Variants in KIF4A observed in about 807,000 individuals in gnomAD.
KIF4A encodes chromosome-associated kinesin KIF4A.
KIF4A carries 7 observed loss-of-function variants against 105.9 expected under a neutral mutation model. The observed-to-expected ratio is 0.07, with a 90% CI of 0.04 to 0.12. The LOEUF (loss-of-function observed/expected upper bound fraction) is 0.12, where lower values mean the gene tolerates loss of function less well. KIF4A is among the 10% of genes least tolerant of loss of function. KIF4A has a pLI of 1.00. For missense variants in KIF4A, 558 were observed against 929.2 expected, an observed-to-expected ratio of 0.60 and a Z score of 5.19; for synonymous variants, 281 against 331.3, an observed-to-expected ratio of 0.85 and a Z score of 1.65.
intron 3 of KIF4A, among the ~76,000 whole-genome samples, chrX:70,295,262 G>A (rs1286895702): frequency 9.1e-6 from 1 of 110,353 alleles, no homozygotes; most frequent in Non-Finnish European, 1.9e-5. Context: ...TGTAACCTCC[G>A]CCTCCTGGGT....
At position 70,418,017 on chromosome X, in the gene KIF4A, C is replaced by T. The variant is rs745334780; in HGVS notation, c.3372+13C>T. 3.4e-6 allele frequency: 4 copies of T among 1,163,794 alleles called. No homozygotes were observed. The South Asian group carries it at 7.6e-5, about 22-fold the overall frequency. ...CCAGCAAGGCAAGGTAGGATCAGGG[C>T]TGTTTCCTCTCCCCTTCCCTTCAGA... is the stretch of plus-strand genomic sequence containing the variant. On this transcript the variant is annotated intron_variant, in intron 29 of 30. Transcript: ENST00000374403.
At chrX:70,340,299 A>T (rs2085967545) in intron 10 of KIF4A, among the ~76,000 whole-genome samples, 1 of 112,153 alleles carries the variant, frequency 8.9e-6, no homozygotes, top group Non-Finnish European at 1.9e-5. Flanking sequence ...AGAAGAGTTA[A>T]CTATTATTAA....
intron 18 of KIF4A, 21 bp from the exon 19 acceptor site, chrX:70,386,597 A>G (rs1304721304): frequency 3.5e-6 from 4 of 1,150,859 alleles, no homozygotes; most frequent in Middle Eastern, 2.4e-4. Context: ...AGCAATTAAT[A>G]TCTGACTTTT....
intron 30 of KIF4A, 76 bp from the exon 31 acceptor site, chrX:70,419,986 C>A: frequency 9.7e-7 from 1 of 1,030,333 alleles, no homozygotes; most frequent in Non-Finnish European, 1.3e-6. Context: ...GTATGTCGAG[C>A]ATCTATAGCA....
intron 10 of KIF4A, among the ~76,000 whole-genome samples, chrX:70,341,486 CACAA>C (rs2085972105): frequency 9.0e-6 from 1 of 111,357 alleles, no homozygotes; most frequent in Non-Finnish European, 1.9e-5. Flanking sequence ...ACCTACAGGA[CACAA>C]ACAGAAAAGA....
chrX:70,365,066 T>A (rs1341126282), intron 15 of KIF4A, among the ~76,000 whole-genome samples: 15 of 111,846 alleles, frequency 1.3e-4, no homozygotes, highest in Non-Finnish European at 2.4e-4. Context: ...TGTATAAGAA[T>A]GCTTGTGATT....
chrX:70,400,726 T>A (rs2086278048), intron 22 of KIF4A, among the ~76,000 whole-genome samples: 1 of 111,936 alleles, frequency 8.9e-6, no homozygotes, highest in Non-Finnish European at 1.9e-5. Flanking sequence ...CAGAAAATGC[T>A]ACTTTTCAGA....
At chrX:70,388,406 G>A (rs2086225776) in intron 20 of KIF4A, among the ~76,000 whole-genome samples, 1 of 111,269 alleles carries the variant, frequency 9.0e-6, no homozygotes, top group South Asian at 3.8e-4. Flanking sequence ...TGAGTAGATA[G>A]CTAGGAGTAA....
intron 10 of KIF4A, among the ~76,000 whole-genome samples, chrX:70,339,017 G>A (rs1362765331): frequency 1.9e-5 from 2 of 106,105 alleles, no homozygotes; most frequent in Admixed American, 2.0e-4. Context: ...CCTGGGAGGC[G>A]GAGCTTGCAG....
At chrX:70,403,075 G>C (rs188529946) in intron 23 of KIF4A, among the ~76,000 whole-genome samples, 1 of 111,940 alleles carries the variant, frequency 8.9e-6, no homozygotes, top group African/African-American at 3.2e-5. Flanking sequence ...CTAGAAAAGG[G>C]AAAACCTAAG....
At chrX:70,329,196 A>G (rs1269579853) in intron 7 of KIF4A, among the ~76,000 whole-genome samples, 5 of 112,189 alleles carry the variant, frequency 4.5e-5, no homozygotes, top group Admixed American at 1.9e-4. Context: ...AAGAAGTGCC[A>G]GTGGACTCAA....
chrX:70,379,482 C>T (rs1477001248), intron 18 of KIF4A, among the ~76,000 whole-genome samples: 1 of 111,905 alleles, frequency 8.9e-6, no homozygotes, highest in Non-Finnish European at 1.9e-5. Context: ...TTCTATCAAA[C>T]ATTTTAAGAA....
intron 28 of KIF4A, among the ~76,000 whole-genome samples, chrX:70,413,418 G>A (rs1462643230): frequency 1.8e-5 from 2 of 111,173 alleles, no homozygotes; most frequent in Non-Finnish European, 3.8e-5. Context: ...CGGATCACTT[G>A]ATGTCAGGAG....
chrX:70,334,725 T>C (rs1399788188), intron 10 of KIF4A, among the ~76,000 whole-genome samples: 7 of 112,155 alleles, frequency 6.2e-5, no homozygotes, highest in Non-Finnish European at 3.8e-5. Context: ...TGTTTGTTTA[T>C]ATTTTAGGTA....
At chrX:70,321,788 C>T (rs899111146) in intron 7 of KIF4A, among the ~76,000 whole-genome samples, 3 of 111,296 alleles carry the variant, frequency 2.7e-5, no homozygotes, top group African/African-American at 9.8e-5. Flanking sequence ...ATCCTCCTCC[C>T]ATTGAAACTA....
chrX:70,344,056 A>C (rs2085982371), intron 13 of KIF4A, 74 bp downstream of exon 13: 1 of 758,479 alleles, frequency 1.3e-6, no homozygotes, highest in African/African-American at 2.1e-5. Flanking sequence ...AAGCCTTTCT[A>C]GCTCTGTGCC....
intron 3 of KIF4A, among the ~76,000 whole-genome samples, chrX:70,294,002 T>A (rs1273125397): frequency 1.8e-5 from 2 of 113,068 alleles, no homozygotes; most frequent in East Asian, 5.5e-4. Context: ...TTTAATTTTT[T>A]AAATCTTTTT....
At chrX:70,355,194 G>A (rs1460878311) in intron 15 of KIF4A, among the ~76,000 whole-genome samples, 5 of 111,330 alleles carry the variant, frequency 4.5e-5, no homozygotes, top group Admixed American at 3.8e-4. Flanking sequence ...CAGGAGCAGG[G>A]AAAGAAAAAA....
In KIF4A at chrX:70,381,115, C is replaced by CT. The variant is rs201418167; in HGVS notation, c.2034+4907dup. ...AGTGAGCTGAGATCAGGCCACTGCA[C>CT]TTCAGCCTGGGCTACAGAGCAAGAC... is the stretch of plus-strand genomic sequence containing the variant. On this transcript the variant is annotated intron_variant, in intron 18 of 30. Coordinates refer to ENST00000374403, the MANE Select transcript of KIF4A (RefSeq NM_012310.5). Among the ~76,000 whole-genome samples, 638 of 112,212 alleles carry CT rather than the reference C, an allele frequency of 5.7e-3. 2 individuals carry two copies. The highest frequency in any genetic ancestry group is 0.011 in the East Asian group (38 of 3,610).
Sources: allele counts gnomAD v4.1 joint callset (sites outside exome capture counted in the v4.1 genomes callset), GRCh38; gene constraint gnomAD v4.1.1; transcripts MANE v1.5; gene names NCBI Gene and HGNC (gene_info 2026-07-23, HGNC 2026-07-21).